KCNIP4: variants seen among roughly 807,000 people sequenced by gnomAD.
KCNIP4 encodes Kv channel-interacting protein 4.
KCNIP4 carries 12 observed loss-of-function variants against 34.0 expected under a neutral mutation model. The observed-to-expected ratio is 0.35, with a 90% CI of 0.23 to 0.57. The LOEUF is 0.57. Ranked by LOEUF, KCNIP4 falls within the 20% of genes least tolerant of loss-of-function variation. The pLI, the probability that KCNIP4 is intolerant of heterozygous loss-of-function variation, is 0.83. For missense variants in KCNIP4, 238 were observed against 311.7 expected, an observed-to-expected ratio of 0.76 and a Z score of 1.78; for synonymous variants, 124 against 102.2, an observed-to-expected ratio of 1.21 and a Z score of -1.29.
intron 1 of KCNIP4, among the ~76,000 whole-genome samples, chr4:21,693,230 T>A: frequency 6.6e-6 from 1 of 151,636 alleles, no homozygotes; most frequent in Non-Finnish European, 1.5e-5. Flanking sequence ...AGTTTCTGCT[T>A]CTCTTCAGAC....
intron 1 of KCNIP4, among the ~76,000 whole-genome samples, chr4:21,931,027 A>C (rs942818250): frequency 6.6e-6 from 1 of 152,160 alleles, no homozygotes; most frequent in African/African-American, 2.4e-5. Context: ...TGAGAACCAA[A>C]TTATGATTAG....
intron 1 of KCNIP4, among the ~76,000 whole-genome samples, chr4:21,856,586 A>C (rs1724771732): frequency 6.6e-6 from 1 of 152,138 alleles, no homozygotes; most frequent in African/African-American, 2.4e-5. Context: ...CTGTGGCTGC[A>C]GACCTGGGCA....
intron 1 of KCNIP4, among the ~76,000 whole-genome samples, chr4:21,908,645 A>C (rs1728131310): frequency 6.6e-6 from 1 of 152,206 alleles, no homozygotes; most frequent in Non-Finnish European, 1.5e-5. Context: ...AAGAGTTCCC[A>C]ACAATAATGA....
intron 1 of KCNIP4, among the ~76,000 whole-genome samples, chr4:21,910,489 T>C (rs1211384446): frequency 6.6e-6 from 1 of 152,168 alleles, no homozygotes; most frequent in African/African-American, 2.4e-5. Context: ...TAGAATTAAA[T>C]ATAAGGCCTC....
intron 1 of KCNIP4, among the ~76,000 whole-genome samples, chr4:21,318,039 G>T (rs1340274906): frequency 6.6e-6 from 1 of 152,094 alleles, no homozygotes; most frequent in Non-Finnish European, 1.5e-5. Flanking sequence ...CTTTAAATCC[G>T]ATTTATAAAT....
chr4:20,973,784 G>A (rs971700420), intron 1 of KCNIP4, among the ~76,000 whole-genome samples: 1 of 152,126 alleles, frequency 6.6e-6, no homozygotes, highest in Non-Finnish European at 1.5e-5. Flanking sequence ...CGGCCCTGTG[G>A]AGAGGGTGAG....
rs140743208 is a variant in KCNIP4, at chr4:21,388,293, T to C, written c.62-505584A>G. On this transcript the variant is annotated intron_variant, in intron 1 of 8. Transcript: ENST00000382152. ...ATATATATGTAATAATAAATATATA[T>C]AATTTTAAAAAGCCTCAACTGTTCC... Among the ~76,000 whole-genome samples the C allele has an allele frequency of 7.5e-3, 1,124 of 150,264 alleles. 16 individuals carry two copies. Among genetic ancestry groups the C allele is most frequent in the Non-Finnish European group, 9.0e-3 (608 of 67,678 alleles).
chr4:21,115,982 T>C (rs1234489325), intron 1 of KCNIP4, among the ~76,000 whole-genome samples: 2 of 152,210 alleles, frequency 1.3e-5, no homozygotes. Context: ...GAACTACTGA[T>C]AATAAACAGT....
chr4:21,643,824 A>G (rs901271339), intron 1 of KCNIP4, among the ~76,000 whole-genome samples: 1 of 150,580 alleles, frequency 6.6e-6, no homozygotes, highest in African/African-American at 2.5e-5. Context: ...CAATTGTTTG[A>G]AATAAATCTC....
At chr4:21,350,834 A>G (rs1478967723) in intron 1 of KCNIP4, among the ~76,000 whole-genome samples, 1 of 152,158 alleles carries the variant, frequency 6.6e-6, no homozygotes, top group Non-Finnish European at 1.5e-5. Context: ...CTAGAGTAAG[A>G]GTATACTAGC....
chr4:21,401,242 CA>C (rs1218963664), intron 1 of KCNIP4, among the ~76,000 whole-genome samples: 56 of 152,256 alleles, frequency 3.7e-4, no homozygotes, highest in African/African-American at 1.3e-3. Context: ...TAAAGAGTAC[CA>C]GGGGGAAATA....
chr4:20,739,470 C>T (rs922604738), intron 5 of KCNIP4, among the ~76,000 whole-genome samples: 1 of 152,180 alleles, frequency 6.6e-6, no homozygotes, highest in Admixed American at 6.5e-5. Context: ...AGTGGACCTC[C>T]AGCAAACTCC....
chr4:20,805,845 G>C (rs1715009108), intron 3 of KCNIP4, among the ~76,000 whole-genome samples: 1 of 152,094 alleles, frequency 6.6e-6, no homozygotes, highest in Non-Finnish European at 1.5e-5. Flanking sequence ...TGGTTCAATA[G>C]TGGTATTTTG....
chr4:21,528,943 C>G (rs1383274687), intron 1 of KCNIP4, among the ~76,000 whole-genome samples: 4 of 151,974 alleles, frequency 2.6e-5, no homozygotes, highest in Non-Finnish European at 4.4e-5. Flanking sequence ...TACAAGTGGT[C>G]ATGTGGCATG....
At chr4:21,614,294 T>C (rs1682708577) in intron 1 of KCNIP4, among the ~76,000 whole-genome samples, 2 of 151,956 alleles carry the variant, frequency 1.3e-5, no homozygotes, top group Admixed American at 6.6e-5. Flanking sequence ...TGTTTAGGCA[T>C]ATGCTATACA....
At chr4:21,763,436 G>A (rs371102510) in intron 1 of KCNIP4, among the ~76,000 whole-genome samples, 1 of 152,202 alleles carries the variant, frequency 6.6e-6, no homozygotes, top group East Asian at 1.9e-4. Flanking sequence ...TGAATAAAAA[G>A]AACTGGATAG....
At chr4:21,393,712 T>A (rs549427110) in intron 1 of KCNIP4, among the ~76,000 whole-genome samples, 96 of 151,300 alleles carry the variant, frequency 6.3e-4, no homozygotes, top group Non-Finnish European at 1.1e-3. Flanking sequence ...ACTATTAGAA[T>A]CACACTATGA....
chr4:21,074,444 T>C (rs183745676), intron 1 of KCNIP4, among the ~76,000 whole-genome samples: 1 of 152,350 alleles, frequency 6.6e-6, no homozygotes, highest in East Asian at 1.9e-4. Flanking sequence ...TATAGTATTC[T>C]CTGATGGTAG....
intron 1 of KCNIP4, among the ~76,000 whole-genome samples, chr4:21,066,190 G>A (rs1251379402): frequency 1.3e-5 from 2 of 152,104 alleles, no homozygotes; most frequent in Non-Finnish European, 2.9e-5. Context: ...GGGCAGCTCT[G>A]ATGGCTCCAA....
Sources: allele counts gnomAD v4.1 joint callset (sites outside exome capture counted in the v4.1 genomes callset), GRCh38; gene constraint gnomAD v4.1.1; transcripts MANE v1.5; gene names NCBI Gene and HGNC (gene_info 2026-07-23, HGNC 2026-07-21).